The following FBXO34 variants were observed in gnomAD, a reference collection of about 807,000 sequenced individuals.
FBXO34 encodes the protein F-box protein 34.
In FBXO34, 12 loss-of-function variants were observed where a neutral mutation model predicts 24.5. The ratio of observed to expected loss-of-function variants is 0.49; its 90% CI spans 0.31 to 0.79. The LOEUF (loss-of-function observed/expected upper bound fraction) is 0.79. Among genes scored for constraint, FBXO34 ranks in the 30% least tolerant of loss-of-function variants. FBXO34 has a pLI of 0.04. For synonymous variants in FBXO34, 320 were observed against 311.9 expected (o/e 1.03, Z -0.27); for missense variants, 823 against 857.7 (o/e 0.96, Z 0.51).
At chr14:55,334,730 T>C (rs1883716833) in intron 1 of FBXO34, among the ~76,000 whole-genome samples, 1 of 152,192 alleles carries the variant, frequency 6.6e-6, no homozygotes, top group Non-Finnish European at 1.5e-5. Flanking sequence ...TCAGGAGCCC[T>C]GGAGCTTTCC....
intron 1 of FBXO34, chr14:55,298,559 A>G: frequency 1.5e-6 from 1 of 680,514 alleles, no homozygotes. Context: ...ATCTTTGAAA[A>G]AAGCAAATTT....
the FBXO34 span, among the ~76,000 whole-genome samples, chr14:55,392,124 A>G: frequency 5.3e-5 from 8 of 152,198 alleles, no homozygotes; most frequent in Non-Finnish European, 1.2e-4. Context: ...AGAGTCTCAT[A>G]GGAGTGCACA....
downstream of FBXO34, among the ~76,000 whole-genome samples, chr14:55,355,778 ACT>A (rs574840708): frequency 2.4e-4 from 36 of 152,026 alleles, no homozygotes; most frequent in South Asian, 4.6e-3. Context: ...CACACAACAC[ACT>A]CTGTAAAATG....
the FBXO34 span, chr14:55,414,213 TGAATAA>T: frequency 1.7e-6 from 1 of 585,064 alleles, no homozygotes; most frequent in Non-Finnish European, 3.0e-6. Context: ...GGAGTCATTT[TGAATAA>T]GAATTTTTCT....
intron 1 of FBXO34, among the ~76,000 whole-genome samples, chr14:55,283,109 C>T (rs892328481): frequency 6.6e-6 from 1 of 152,192 alleles, no homozygotes; most frequent in Admixed American, 6.5e-5. Flanking sequence ...GCTCTACCAT[C>T]GTCACTATAT....
intron 1 of FBXO34, among the ~76,000 whole-genome samples, chr14:55,289,912 T>C (rs966136156): frequency 6.6e-6 from 1 of 152,204 alleles, no homozygotes; most frequent in African/African-American, 2.4e-5. Context: ...GCTTGCTTTT[T>C]TCACCTAACA....
At chr14:55,312,574 C>T (rs1467546483) in intron 1 of FBXO34, among the ~76,000 whole-genome samples, 1 of 152,230 alleles carries the variant, frequency 6.6e-6, no homozygotes, top group Non-Finnish European at 1.5e-5. Flanking sequence ...AAACTTCTGC[C>T]TGATCATCCA....
the FBXO34 span, among the ~76,000 whole-genome samples, chr14:55,430,638 C>G: frequency 1.3e-5 from 2 of 152,120 alleles, no homozygotes; most frequent in Admixed American, 1.3e-4. Context: ...TCAAGTGACC[C>G]TCCCAACCTC....
At chr14:55,419,734 A>G in the FBXO34 span, among the ~76,000 whole-genome samples, 1 of 152,232 alleles carries the variant, frequency 6.6e-6, no homozygotes, top group Non-Finnish European at 1.5e-5. Flanking sequence ...AAGACCTGCA[A>G]ATGGCATGAT....
chr14:55,380,875 A>ATTTTTTT, the FBXO34 span, among the ~76,000 whole-genome samples: 5 of 112,704 alleles, frequency 4.4e-5, no homozygotes, highest in Admixed American at 1.8e-4. Context: ...ATATATATAT[A>ATTTTTTT]TTTTTTTTTT....
rs3051328 is a variant in FBXO34 at position 55,336,868 on chromosome 14, G to GCACACA, written c.-10-13492_-10-13487dup. 1.6e-3 allele frequency among the ~76,000 whole-genome samples: 229 copies of GCACACA among 144,264 alleles called. 1 individual carries two copies. The highest frequency in any genetic ancestry group is 2.2e-3 in the South Asian group (10 of 4,484). 94.6% of individuals were successfully genotyped at this position (144,264 alleles called of 152,430 possible). A position where few individuals can be genotyped will look rare whatever the true frequency, so the allele number is the denominator to read the frequency against. Reference sequence around the variant, plus strand: ...ACACATATAGAATATATACATGCACGCACACACACACACACACACACACAC... The same window carrying GCACACA: ...ACACATATAGAATATATACATGCACGCACACACACACACACACACACACACACACAC... On this transcript the variant is annotated intron_variant, in intron 1 of 1. Coordinates refer to ENST00000313833, the MANE Select transcript of FBXO34 (RefSeq NM_017943.4).
chr14:55,292,625 G>A (rs1451154777), intron 1 of FBXO34, among the ~76,000 whole-genome samples: 1 of 151,864 alleles, frequency 6.6e-6, no homozygotes, highest in East Asian at 1.9e-4. Flanking sequence ...AAGTGCTGGC[G>A]TTACAGGTGT....
intron 1 of FBXO34, among the ~76,000 whole-genome samples, chr14:55,278,568 C>T (rs1594720292): frequency 2.0e-5 from 3 of 152,182 alleles, no homozygotes; most frequent in East Asian, 1.9e-4. Context: ...ATGTTTGTTG[C>T]AGCTCAAGCC....
At chr14:55,413,381 C>A in the FBXO34 span, among the ~76,000 whole-genome samples, 1 of 152,130 alleles carries the variant, frequency 6.6e-6, no homozygotes, top group Non-Finnish European at 1.5e-5. Context: ...TTTGAAACTC[C>A]TATATGTTGC....
chr14:55,382,134 G>C, the FBXO34 span: 17 of 1,614,130 alleles, frequency 1.1e-5, no homozygotes, highest in South Asian at 1.9e-4. Context: ...CAGCAAGCTT[G>C]CTCACAGTGC....
rs117918662 is a variant in FBXO34 at position 55,290,038 on chromosome 14, T to C, written c.-11+18501T>C. ...TCTTTTAAAAATTCAGGAGGGTGAT[T>C]TAGGGCTCATCTGGAACTCATGGTG... is the stretch of plus-strand genomic sequence containing the variant. On this transcript the variant is annotated intron_variant, in intron 1 of 1. Transcript: ENST00000313833. Among the ~76,000 whole-genome samples the C allele has an allele frequency of 2.0e-5, 3 of 152,268 alleles. No individual in the cohort carries two copies. The South Asian group carries it at 6.2e-4, about 32-fold the overall frequency.
chr14:55,274,119 A>G (rs1364489934), intron 1 of FBXO34, among the ~76,000 whole-genome samples: 2 of 152,178 alleles, frequency 1.3e-5, no homozygotes, highest in East Asian at 3.9e-4. Context: ...TGCTAGTATT[A>G]ATGGGAAAGG....
chr14:55,296,499 A>G (rs1262636857), intron 1 of FBXO34, among the ~76,000 whole-genome samples: 1 of 148,710 alleles, frequency 6.7e-6, no homozygotes, highest in Non-Finnish European at 1.5e-5. Context: ...GGTTCAAGCA[A>G]TTATCCTGCA....
downstream of FBXO34, among the ~76,000 whole-genome samples, chr14:55,372,701 T>C (rs544067798): frequency 6.6e-6 from 1 of 151,676 alleles, no homozygotes; most frequent in Admixed American, 6.6e-5. Flanking sequence ...TTCCTTCCTT[T>C]TTACCACAGC....
Sources: gnomAD v4.1 joint callset for allele counts (sites outside exome capture counted in the v4.1 genomes callset) on GRCh38, gnomAD v4.1.1 for gene constraint, MANE v1.5 for transcripts, NCBI Gene and HGNC (gene_info 2026-07-23, HGNC 2026-07-21) for gene names.